SKIL: variants seen among roughly 807,000 people sequenced by gnomAD.
The protein encoded by SKIL is ski-like protein.
Under a neutral mutation model 69.6 loss-of-function variants are expected in SKIL, and 20 were observed. The ratio of observed to expected loss-of-function variants is 0.29; its 90% CI spans 0.20 to 0.42. The LOEUF (loss-of-function observed/expected upper bound fraction) is 0.42. Ranked by LOEUF, SKIL falls within the 10% of genes least tolerant of loss-of-function variation. The pLI, the probability that SKIL is intolerant of heterozygous loss-of-function variation, is 1.00. For synonymous variants in SKIL, 310 were observed against 279.9 expected, an observed-to-expected ratio of 1.11 and a Z score of -1.08; for missense variants, 745 against 783.1, an observed-to-expected ratio of 0.95 and a Z score of 0.58.
At chr3:170,384,802 T>G (rs1015442699) in intron 4 of SKIL, 37 bp downstream of exon 4, 2 of 1,069,996 alleles carry the variant, frequency 1.9e-6, no homozygotes, top group East Asian at 4.9e-5. Flanking sequence ...AAATTAAATA[T>G]CTAATGAACA....
At chr3:170,361,646 C>T (rs1445590605) in intron 2 of SKIL, among the ~76,000 whole-genome samples, 1 of 152,056 alleles carries the variant, frequency 6.6e-6, no homozygotes, top group East Asian at 1.9e-4. Flanking sequence ...AGAAGTAAGA[C>T]TATTATTCCG....
At chr3:170,383,492 C>G (rs1358715075) in intron 3 of SKIL, among the ~76,000 whole-genome samples, 1 of 152,176 alleles carries the variant, frequency 6.6e-6, no homozygotes, top group African/African-American at 2.4e-5. Context: ...AAATATGGTA[C>G]TTAAATATCT....
At chr3:170,363,078 A>G (rs1736325403) in intron 2 of SKIL, among the ~76,000 whole-genome samples, 1 of 152,162 alleles carries the variant, frequency 6.6e-6, no homozygotes, top group South Asian at 2.1e-4. Flanking sequence ...AGTTTTACAT[A>G]TATAATTTTA....
intron 2 of SKIL, among the ~76,000 whole-genome samples, chr3:170,371,218 AG>A (rs1736788091): frequency 1.3e-5 from 2 of 152,192 alleles, no homozygotes; most frequent in African/African-American, 4.8e-5. Context: ...AAGGAGTAGT[AG>A]GCCTGGTGCG....
intron 2 of SKIL, among the ~76,000 whole-genome samples, chr3:170,376,532 A>T (rs1025721739): frequency 2.0e-5 from 3 of 152,156 alleles, no homozygotes; most frequent in Non-Finnish European, 4.4e-5. Context: ...TTTGAATCTA[A>T]GTGGTATACA....
rs1432858755 is a variant in SKIL, at chr3:170,360,764, A to G, written c.433A>G (p.Thr145Ala). The G allele has an allele frequency of 2.5e-6, 4 of 1,614,130 alleles. No homozygotes were observed. Among genetic ancestry groups the G allele is most frequent in the Non-Finnish European group, 3.4e-6 (4 of 1,180,008 alleles). Residue 145 changes from threonine (T) to alanine (A), a missense_variant, in exon 2 of 7, where the codon ACT becomes GCT. Thr to Ala is a moderately conservative substitution (Grantham distance 58). Transcript: ENST00000259119. ...CCCTTCAGATAGCTCCACAGAACTC[A>G]CTCAGACTGTGTTGGAAGGGGAATC... The part of the protein sequence containing the change: ...LIPSDSSTEL[T>A]QTVLEGESIS...
intron 2 of SKIL, among the ~76,000 whole-genome samples, chr3:170,372,660 G>A (rs1429900627): frequency 6.6e-6 from 1 of 152,026 alleles, no homozygotes; most frequent in Non-Finnish European, 1.5e-5. Context: ...TATCTGGTAG[G>A]GTGTCTTTAT....
chr3:170,365,295 A>G (rs1349169292), intron 2 of SKIL, among the ~76,000 whole-genome samples: 1 of 152,248 alleles, frequency 6.6e-6, no homozygotes, highest in Non-Finnish European at 1.5e-5. Flanking sequence ...TGTTAGTAGC[A>G]GAAACTGAAT....
rs1039447157 is a variant in SKIL, at chr3:170,393,829, G to A, written c.*1412G>A. Reference sequence around the variant, plus strand: ...TTTATTTTAAAATAAATTAGCTAGGGTTAAGGTTATATTCTATTTCCAGCA... The same window carrying A: ...TTTATTTTAAAATAAATTAGCTAGGATTAAGGTTATATTCTATTTCCAGCA... On this transcript the variant is annotated 3_prime_UTR_variant, in exon 7 of 7. Coordinates refer to ENST00000259119, the MANE Select transcript of SKIL (RefSeq NM_005414.5). The A allele has an allele frequency of 2.6e-5, 4 of 152,002 alleles. No homozygotes were observed. The South Asian group carries it at 6.2e-4, about 24-fold the overall frequency. The allele number at this position is 152,002 out of a possible 1,614,324, so 9.4% of individuals were successfully genotyped here.
At chr3:170,369,785 G>C (rs1409299265) in intron 2 of SKIL, among the ~76,000 whole-genome samples, 2 of 152,112 alleles carry the variant, frequency 1.3e-5, no homozygotes, top group African/African-American at 2.4e-5. Context: ...CTAGTAAAGG[G>C]GTAGAACTTG....
Position 170,390,235 on chromosome 3 carries a change from C to T in SKIL, c.1442C>T (p.Ser481Leu), listed in dbSNP as rs1737843957. The T allele has an allele frequency of 1.2e-6, 2 of 1,610,368 alleles. No homozygotes were observed. The highest frequency in any genetic ancestry group is 1.3e-5 in the African/African-American group (1 of 74,780). ...TTTTCTCTCCAAGATGCATCAATCT[C>T]AAATAATTCTACAAGTAAAAGGAAA... is the stretch of plus-strand genomic sequence containing the variant. ...ELCSRLDASISNNSTSKRKSE... is the reference protein window; with the variant it reads ...ELCSRLDASILNNSTSKRKSE... The change falls in exon 5 of 7, where the codon TCA becomes TTA. Residue 481 changes from serine (S) to leucine (L), a missense_variant. Physicochemically the swap from Ser to Leu is moderately radical, Grantham distance 145. Coordinates refer to ENST00000259119, the MANE Select transcript of SKIL (RefSeq NM_005414.5).
At position 170,393,509 on chromosome 3, in the gene SKIL, A is replaced by G. The variant is rs1171340401; in HGVS notation, c.*1092A>G. On this transcript the variant is annotated 3_prime_UTR_variant, in exon 7 of 7. Transcript: ENST00000259119. ...TAGGACAGTTTAGTTACCTGCTACT[A>G]AAAGATTTTTAGATAAGTTTTAGAA... 6.6e-6 allele frequency: 1 copy of G among 152,198 alleles called. No individual in the cohort carries two copies. The highest frequency in any genetic ancestry group is 2.4e-5 in the African/African-American group (1 of 41,450). 9.4% of individuals were successfully genotyped at this position (152,198 alleles called of 1,614,324 possible).
At chr3:170,380,878 GCAATCATGGTT>G (rs1300868790) in intron 2 of SKIL, among the ~76,000 whole-genome samples, 3 of 151,908 alleles carry the variant, frequency 2.0e-5, no homozygotes, top group South Asian at 2.1e-4. Flanking sequence ...GTGCAGTGGT[GCAATCATGGTT>G]CAATCATGGT....
chr3:170,360,346 G>A lies in SKIL; in HGVS notation c.15G>A (p.Gln5=). Residue 5 remains glutamine (Q), a synonymous_variant, in exon 2 of 7, where the codon CAG becomes CAA. Coordinates refer to ENST00000259119, the MANE Select transcript of SKIL (RefSeq NM_005414.5). MENL[Q]TNFSLVQGST... is the part of the protein sequence containing the mutation. ...AAGAGTGTACCATGGAAAACCTCCA[G>A]ACAAATTTCTCCTTGGTTCAGGGCT... 6.4e-7 allele frequency: 1 copy of A among 1,559,200 alleles called. No individual in the cohort carries two copies. The highest frequency in any genetic ancestry group is 8.6e-7 in the Non-Finnish European group (1 of 1,157,078).
At chr3:170,380,711 G>A (rs753720200) in intron 2 of SKIL, among the ~76,000 whole-genome samples, 72 of 152,164 alleles carry the variant, frequency 4.7e-4, no homozygotes, top group Non-Finnish European at 8.7e-4. Context: ...GTCATTTCTG[G>A]TACTCCATGT....
intron 2 of SKIL, among the ~76,000 whole-genome samples, chr3:170,365,148 G>A (rs1001729814): frequency 1.3e-4 from 20 of 152,046 alleles, no homozygotes; most frequent in African/African-American, 4.6e-4. Flanking sequence ...TTTAGGGTCT[G>A]TGAGGAAGGT....
At chr3:170,384,995 A>T in intron 4 of SKIL, 1 of 307,662 alleles carries the variant, frequency 3.3e-6, no homozygotes, top group Non-Finnish European at 6.0e-6. Flanking sequence ...ACCTGGCCTC[A>T]GACTGCAAGT....
chr3:170,373,232 T>G (rs1442673573), intron 2 of SKIL, among the ~76,000 whole-genome samples: 18 of 151,430 alleles, frequency 1.2e-4, no homozygotes, highest in Admixed American at 1.2e-3. Flanking sequence ...AGTGGTGTGA[T>G]CTCGGCTCAC....
rs199986218 is a variant in SKIL at position 170,360,835 on chromosome 3, C to T, written c.504C>T (p.Pro168=). 48 of 1,613,914 alleles carry T rather than the reference C, an allele frequency of 3.0e-5. No individual in the cohort carries two copies. The Admixed American group carries it at 4.5e-4, about 15-fold the overall frequency. ...GAGGAGAAAAGAGACTCTGTTTGCC[C>T]CAAGTCTTAAATTCTGTTCTCCGAG... ...QVGGEKRLCL[P]QVLNSVLREF... Residue 168 remains proline, a synonymous_variant, in exon 2 of 7, where the codon CCC becomes CCT. Transcript: ENST00000259119.
Sources: gnomAD v4.1 joint callset for allele counts (sites outside exome capture counted in the v4.1 genomes callset) on GRCh38, gnomAD v4.1.1 for gene constraint, MANE v1.5 for transcripts, NCBI Gene and HGNC (gene_info 2026-07-23, HGNC 2026-07-21) for gene names.